The following VWDE variants were observed in gnomAD, a reference collection of about 807,000 sequenced individuals.
VWDE encodes the protein von Willebrand factor D and EGF domains.
A neutral mutation model predicts 178.4 loss-of-function variants in VWDE; 207 were observed. The ratio of observed to expected loss-of-function variants is 1.16; its 90% confidence interval spans 1.04 to 1.30. The LOEUF is 1.30. VWDE is among the 50% of genes most tolerant of loss of function. The probability of loss-of-function intolerance (pLI) is 0.00; values close to 1 mark genes in which losing one functional copy is unlikely to be tolerated. For synonymous variants in VWDE, 738 were observed against 651.4 expected (o/e 1.13, Z -2.02); for missense variants, 2,287 against 1,901.3 (o/e 1.20, Z -3.77).
chr7:12,365,043 G>A (rs1782785213), intron 13 of VWDE, among the ~76,000 whole-genome samples: 1 of 152,026 alleles, frequency 6.6e-6, no homozygotes, highest in Non-Finnish European at 1.5e-5. Context: ...AGAACCAAGT[G>A]TGCAAAAGAT....
rs1237143825 is a variant in VWDE, at chr7:12,357,495, G to C, written c.3295C>G (p.Gln1099Glu). 6.4e-7 allele frequency: 1 copy of C among 1,552,146 alleles called. No homozygotes were observed. The highest frequency in any genetic ancestry group is 8.7e-7 in the Non-Finnish European group (1 of 1,147,114). ...FLENNQPPVI[Q>E]ALQDKLQTFY... is the part of the protein sequence containing the mutation. ...GTCTGTAATTTGTCTTGCAATGCTT[G>C]AATCACTGGGGGCTGGTTGTCTGTA... is the stretch of plus-strand genomic sequence containing the variant. Residue 1099 changes from glutamine to glutamate, a missense_variant, in exon 17 of 29, where the codon CAA becomes GAA. Gln to Glu is a conservative substitution (Grantham distance 29). Transcript: ENST00000275358.
rs535367870 is a variant in VWDE at position 12,343,764 on chromosome 7, C to T, written c.4078+431G>A. On this transcript the variant is annotated intron_variant, in intron 21 of 28. Coordinates refer to ENST00000275358, the MANE Select transcript of VWDE (RefSeq NM_001135924.3). ...AAACCAAAGCAATGCAATTATATGG[C>T]TACAGATGTATTTTTACAAATTCAC... 1.5e-3 allele frequency among the ~76,000 whole-genome samples: 235 copies of T among 152,244 alleles called. 1 individual carries two copies. Among genetic ancestry groups the T allele is most frequent in the African/African-American group, 5.3e-3 (222 of 41,554 alleles).
At position 12,337,116 on chromosome 7, in the gene VWDE, A is replaced by G. The variant is rs112964731; in HGVS notation, c.4463-33T>C. The G allele has an allele frequency of 3.5e-3, 5,434 of 1,551,436 alleles. 163 individuals are homozygous for G. The African/African-American group carries it at 0.066, about 19-fold the overall frequency. ...TAAAAGCATGAAAAGTCAGCCCTTA[A>G]ATTCAACAGTTTTGTCTTGGCTTTA... On this transcript the variant is annotated intron_variant, in intron 25 of 28. Coordinates refer to ENST00000275358, the MANE Select transcript of VWDE (RefSeq NM_001135924.3).
At chr7:12,365,990 T>C (rs1258240192) in intron 13 of VWDE, among the ~76,000 whole-genome samples, 2 of 152,000 alleles carry the variant, frequency 1.3e-5, no homozygotes, top group South Asian at 2.1e-4. Context: ...GTTTCTCCCA[T>C]GCTGCTCTCA....
intron 27 of VWDE, 30 bp downstream of exon 27, chr7:12,336,111 T>G (rs1206370661): frequency 2.0e-6 from 3 of 1,518,962 alleles, no homozygotes; most frequent in Non-Finnish European, 2.7e-6. Context: ...ATTCAGAACA[T>G]ATAGTAGGAA....
rs1477051689 is a variant in VWDE at position 12,373,124 on chromosome 7, C to A, written c.1440G>T (p.Gly480=). 6.4e-7 allele frequency: 1 copy of A among 1,551,220 alleles called. No homozygotes were observed. Among genetic ancestry groups the A allele is most frequent in the African/African-American group, 1.4e-5 (1 of 72,986 alleles). The change falls in exon 10 of 29, where the codon GGG becomes GGT. Residue 480 remains glycine (G), a synonymous_variant. Transcript: ENST00000275358. ...TATCACCTCCTTCCTGGGCAACAAACCCACAATTACATGACACTGGATAGT... is the reference window on the plus strand; with the variant it reads ...TATCACCTCCTTCCTGGGCAACAAAACCACAATTACATGACACTGGATAGT... ...SLHYPVSCNC[G]FVAQEGGDIV...
intron 1 of VWDE, among the ~76,000 whole-genome samples, chr7:12,395,343 G>T (rs1419611811): frequency 2.0e-5 from 3 of 152,034 alleles, no homozygotes; most frequent in Non-Finnish European, 2.9e-5. Flanking sequence ...TCCTAATAAG[G>T]TGTGCATAAA....
intron 2 of VWDE, among the ~76,000 whole-genome samples, chr7:12,391,070 G>A (rs907226722): frequency 2.0e-5 from 3 of 151,964 alleles, no homozygotes; most frequent in Non-Finnish European, 4.4e-5. Context: ...ATAATAATAG[G>A]AAAATGATAA....
At chr7:12,341,055 T>A (rs543878780) in intron 23 of VWDE, among the ~76,000 whole-genome samples, 6 of 152,340 alleles carry the variant, frequency 3.9e-5, no homozygotes, top group African/African-American at 1.4e-4. Context: ...CAAAATTAAT[T>A]TCTTCCTTCT....
chr7:12,353,229 G>A (rs890891562), intron 18 of VWDE, among the ~76,000 whole-genome samples: 2 of 152,170 alleles, frequency 1.3e-5, no homozygotes, highest in African/African-American at 4.8e-5. Context: ...TTTGGTGAGG[G>A]CTCTCTTCCT....
chr7:12,350,016 A>G (rs952027650), intron 19 of VWDE, among the ~76,000 whole-genome samples: 1 of 152,062 alleles, frequency 6.6e-6, no homozygotes, highest in African/African-American at 2.4e-5. Flanking sequence ...TTACTCCCCA[A>G]AATAATGCTA....
intron 1 of VWDE, among the ~76,000 whole-genome samples, chr7:12,395,574 C>T (rs1317270943): frequency 6.6e-6 from 1 of 152,036 alleles, no homozygotes; most frequent in Non-Finnish European, 1.5e-5. Context: ...AACGACATTA[C>T]AGAATTGTGT....
chr7:12,376,963 A>T (rs1011397907), intron 7 of VWDE, among the ~76,000 whole-genome samples: 2 of 152,014 alleles, frequency 1.3e-5, no homozygotes, highest in African/African-American at 4.8e-5. Flanking sequence ...ATGGACATGA[A>T]GGTCTATAGA....
intron 21 of VWDE, 111 bp from the exon 22 acceptor site, chr7:12,343,289 A>C (rs1472825155): frequency 1.5e-6 from 1 of 681,380 alleles, no homozygotes; most frequent in African/African-American, 1.8e-5. Flanking sequence ...TTTATAATAC[A>C]TTAAGCTCTC....
intron 8 of VWDE, 46 bp downstream of exon 8, chr7:12,374,964 T>C: frequency 6.6e-7 from 1 of 1,505,640 alleles, no homozygotes; most frequent in Non-Finnish European, 9.0e-7. Context: ...AATACACATT[T>C]CTTCTTAAAG....
intron 2 of VWDE, among the ~76,000 whole-genome samples, chr7:12,392,808 C>CAAA (rs201563504): frequency 0.14 from 17,927 of 131,906 alleles, 1,532 homozygotes; most frequent in Non-Finnish European, 0.21. Context: ...AGTTAAGTTG[C>CAAA]AAAAAAAAAA....
chr7:12,361,038 A>T, intron 15 of VWDE, 109 bp downstream of exon 15: 1 of 626,006 alleles, frequency 1.6e-6, no homozygotes, highest in South Asian at 2.8e-5. Flanking sequence ...GCTTTTCTCT[A>T]TTAGTTTTTC....
intron 7 of VWDE, among the ~76,000 whole-genome samples, chr7:12,375,511 A>G (rs1451586672): frequency 1.3e-5 from 2 of 151,906 alleles, no homozygotes; most frequent in African/African-American, 4.8e-5. Flanking sequence ...AAGGAAATTC[A>G]AAAAGAATAG....
intron 10 of VWDE, among the ~76,000 whole-genome samples, chr7:12,372,516 A>T (rs1447375907): frequency 6.6e-6 from 1 of 152,100 alleles, no homozygotes; most frequent in Non-Finnish European, 1.5e-5. Flanking sequence ...CTTTAAAAAA[A>T]TATTAGCCTG....
Sources: allele counts gnomAD v4.1 joint callset (sites outside exome capture counted in the v4.1 genomes callset), GRCh38; gene constraint gnomAD v4.1.1; transcripts MANE v1.5; gene names NCBI Gene and HGNC (gene_info 2026-07-23, HGNC 2026-07-21).